SPTBN1: variants seen among roughly 807,000 people sequenced by gnomAD.
The protein encoded by SPTBN1 is spectrin beta chain, non-erythrocytic 1.
A neutral mutation model predicts 266.4 loss-of-function variants in SPTBN1; 32 were observed. The observed-to-expected ratio is 0.12, with a 90% confidence interval of 0.09 to 0.16. The LOEUF is 0.16. Among genes scored for constraint, SPTBN1 ranks in the 10% least tolerant of loss-of-function variants. SPTBN1 has a pLI of 1.00. For synonymous variants in SPTBN1, 1,336 were observed against 1,162.2 expected (o/e 1.15, Z -3.04); for missense variants, 2,296 against 3,067.1 (o/e 0.75, Z 5.94).
chr2:54,463,652 A>G (rs1316315934), intron 1 of SPTBN1, among the ~76,000 whole-genome samples: 1 of 152,254 alleles, frequency 6.6e-6, no homozygotes, highest in African/African-American at 2.4e-5. Flanking sequence ...AGCGCTTATC[A>G]CAATAAATTT....
At chr2:54,467,561 T>G (rs1219049671) in intron 1 of SPTBN1, among the ~76,000 whole-genome samples, 1 of 152,102 alleles carries the variant, frequency 6.6e-6, no homozygotes, top group East Asian at 1.9e-4. Context: ...AATTTTTGTA[T>G]TTTTAGTAGA....
chr2:54,594,655 C>T (rs1675931162), intron 2 of SPTBN1, among the ~76,000 whole-genome samples: 1 of 152,038 alleles, frequency 6.6e-6, no homozygotes, highest in Admixed American at 6.6e-5. Context: ...CATTTTCTTT[C>T]CATACAACTA....
intron 1 of SPTBN1, among the ~76,000 whole-genome samples, chr2:54,486,633 T>G (rs1668409652): frequency 6.6e-6 from 1 of 151,956 alleles, no homozygotes; most frequent in Non-Finnish European, 1.5e-5. Flanking sequence ...CTTTTTTCAC[T>G]TGTTTATCTG....
At chr2:54,584,188 G>A (rs755941416) in intron 2 of SPTBN1, among the ~76,000 whole-genome samples, 6 of 152,094 alleles carry the variant, frequency 3.9e-5, no homozygotes, top group Admixed American at 6.6e-5. Flanking sequence ...GCCACTTTCC[G>A]AAGCCTGTAT....
Position 54,558,490 on chromosome 2 carries a change from C to T in SPTBN1, c.148+31924C>T, listed in dbSNP as rs1314456752. 19 of 1,153,036 alleles carry T rather than the reference C, an allele frequency of 1.6e-5. No homozygotes were observed. Among genetic ancestry groups the T allele is most frequent in the South Asian group, 6.7e-5 (2 of 29,990 alleles). 71.4% of individuals were successfully genotyped at this position (1,153,036 alleles called of 1,614,324 possible). On this transcript the variant is annotated intron_variant, in intron 2 of 35. Coordinates refer to ENST00000356805, the MANE Select transcript of SPTBN1 (RefSeq NM_003128.3). The surrounding 1 kb of genome is among the most constrained non-coding windows in gnomAD (Gnocchi z 4.6). ...AGTTCTGAAGTAGAACCTGCGCCTC[C>T]TCTCTGCTTCTCCCTCCTCCTCAGT...
chr2:54,573,950 CCT>C (rs1415592424), intron 2 of SPTBN1, among the ~76,000 whole-genome samples: 1 of 152,130 alleles, frequency 6.6e-6, no homozygotes, highest in African/African-American at 2.4e-5. Context: ...CCTCCCTTCT[CCT>C]CTGGGGTTGC....
chr2:54,520,093 G>A (rs908753991), intron 1 of SPTBN1, among the ~76,000 whole-genome samples: 1 of 152,186 alleles, frequency 6.6e-6, no homozygotes, highest in African/African-American at 2.4e-5. Flanking sequence ...AGTGGATGAT[G>A]TCACCAAGGA....
rs80110222 is a variant in SPTBN1 at position 54,458,472 on chromosome 2, G to C, written c.-48+1954G>C. 5.8e-3 allele frequency among the ~76,000 whole-genome samples: 887 copies of C among 152,298 alleles called. 29 individuals are homozygous for C. The East Asian group carries it at 0.068, about 12-fold the overall frequency. ...ATTCAGATTTCTATTGATTGAGGTA[G>C]CCAAGTTAAGTGTCCGGGCGTAATT... On this transcript the variant is annotated intron_variant, in intron 1 of 35. Coordinates refer to ENST00000356805, the MANE Select transcript of SPTBN1 (RefSeq NM_003128.3).
At chr2:54,508,167 C>G (rs565472959) in intron 1 of SPTBN1, among the ~76,000 whole-genome samples, 2 of 152,036 alleles carry the variant, frequency 1.3e-5, no homozygotes, top group Non-Finnish European at 2.9e-5. Context: ...TAGTAAAGGC[C>G]GGTCCGTTAT....
rs1376838743 is a variant in SPTBN1, at chr2:54,463,857, T to TTA, written c.-48+7347_-48+7348dup. 8.5e-5 allele frequency among the ~76,000 whole-genome samples: 13 copies of TTA among 152,300 alleles called. No individual in the cohort carries two copies. In the South Asian group the frequency reaches 2.7e-3, roughly 32 times the overall value. ...AAATAATAGGAAAGGAAAATCTGAT[T>TTA]TATATATATGTATTTTTTAAACAAA... is the stretch of plus-strand genomic sequence containing the variant. On this transcript the variant is annotated intron_variant, in intron 1 of 35. Coordinates refer to ENST00000356805, the MANE Select transcript of SPTBN1 (RefSeq NM_003128.3).
At chr2:54,635,643 G>A (rs1679071313) in intron 17 of SPTBN1, among the ~76,000 whole-genome samples, 1 of 152,228 alleles carries the variant, frequency 6.6e-6, no homozygotes, top group Non-Finnish European at 1.5e-5. Context: ...TGAGAGGCGA[G>A]GATGTGTGTC....
chr2:54,609,567 C>G (rs549335823), intron 3 of SPTBN1, among the ~76,000 whole-genome samples: 48 of 152,150 alleles, frequency 3.2e-4, no homozygotes, highest in Non-Finnish European at 4.3e-4. Flanking sequence ...ATCAACAAAT[C>G]TTTCCATAGA....
chr2:54,485,600 G>C (rs532732368), intron 1 of SPTBN1, among the ~76,000 whole-genome samples: 3 of 152,286 alleles, frequency 2.0e-5, no homozygotes, highest in South Asian at 4.2e-4. Context: ...TGCAGCCTCT[G>C]CCCGGCCGCC....
chr2:54,551,761 A>C (rs1449453290), intron 2 of SPTBN1, among the ~76,000 whole-genome samples: 1 of 152,162 alleles, frequency 6.6e-6, no homozygotes, highest in Non-Finnish European at 1.5e-5. Context: ...GGGAGAAAGA[A>C]CCATCCATAT....
chr2:54,505,837 A>G (rs1174704413), intron 1 of SPTBN1, among the ~76,000 whole-genome samples: 6 of 152,128 alleles, frequency 3.9e-5, no homozygotes, highest in Non-Finnish European at 5.9e-5. Flanking sequence ...TATTTTTAAA[A>G]ATCTGGGCCA....
At position 54,504,274 on chromosome 2, in the gene SPTBN1, T is replaced by C. The variant is rs1365758653; in HGVS notation, c.-47-22098T>C. On this transcript the variant is annotated intron_variant, in intron 1 of 35. Transcript: ENST00000356805. ...TTTACATTCTGATGTTCTATGACTTTCTTAAATAAAAACCTTTTGGATTTT... is the reference window on the plus strand; with the variant it reads ...TTTACATTCTGATGTTCTATGACTTCCTTAAATAAAAACCTTTTGGATTTT... Among the ~76,000 whole-genome samples, 5 of 152,352 alleles carry C rather than the reference T, an allele frequency of 3.3e-5. No individual in the cohort carries two copies. The East Asian group carries it at 9.6e-4, about 29-fold the overall frequency.
At chr2:54,551,476 G>A (rs530024934) in intron 2 of SPTBN1, among the ~76,000 whole-genome samples, 38 of 152,266 alleles carry the variant, frequency 2.5e-4, no homozygotes, top group African/African-American at 8.9e-4. Context: ...TAACAGACAC[G>A]GTAAGAATGC....
intron 2 of SPTBN1, among the ~76,000 whole-genome samples, chr2:54,548,407 T>G (rs1672373897): frequency 6.6e-6 from 1 of 152,144 alleles, no homozygotes; most frequent in African/African-American, 2.4e-5. Flanking sequence ...CTGGTGCAAG[T>G]TGGACATCAG....
At chr2:54,656,493 T>C (rs1048280843) in intron 29 of SPTBN1, among the ~76,000 whole-genome samples, 2 of 152,234 alleles carry the variant, frequency 1.3e-5, no homozygotes, top group African/African-American at 4.8e-5. Context: ...AATTAGATTC[T>C]ATTTTTAATT....
Sources: gnomAD v4.1 joint callset for allele counts (sites outside exome capture counted in the v4.1 genomes callset) on GRCh38, gnomAD v4.1.1 for gene constraint, Gnocchi (gnomAD v3.1) non-coding constraint, MANE v1.5 for transcripts, NCBI Gene and HGNC (gene_info 2026-07-23, HGNC 2026-07-21) for gene names.